NAV2: variants seen among roughly 807,000 people sequenced by gnomAD.
NAV2 encodes neuron navigator 2.
A neutral mutation model predicts 223.2 loss-of-function variants in NAV2; 54 were observed. The observed-to-expected ratio is 0.24, with a 90% confidence interval of 0.19 to 0.30. NAV2 has a LOEUF of 0.30. Ranked by LOEUF, NAV2 falls within the 10% of genes least tolerant of loss-of-function variation. The probability of loss-of-function intolerance (pLI) is 1.00; values close to 1 mark genes in which losing one functional copy is unlikely to be tolerated. For missense variants in NAV2, 2,806 were observed against 3,147.5 expected, an observed-to-expected ratio of 0.89 and a Z score of 2.60; for synonymous variants, 1,279 against 1,239.3, an observed-to-expected ratio of 1.03 and a Z score of -0.67.
chr11:19,745,812 A>G (rs1235235290), intron 1 of NAV2, among the ~76,000 whole-genome samples: 3 of 152,162 alleles, frequency 2.0e-5, no homozygotes, highest in Non-Finnish European at 4.4e-5. Flanking sequence ...GGCAGAGCTC[A>G]GGTGGTAATG....
chr11:19,682,031 A>T (rs1443935118), intron 1 of NAV2, among the ~76,000 whole-genome samples: 1 of 152,138 alleles, frequency 6.6e-6, no homozygotes, highest in Non-Finnish European at 1.5e-5. Context: ...CACAGAGTGG[A>T]CTTCACTCTG....
At chr11:20,002,718 C>G (rs1014702282) in intron 11 of NAV2, among the ~76,000 whole-genome samples, 33 of 152,146 alleles carry the variant, frequency 2.2e-4, no homozygotes, top group Admixed American at 1.3e-3. Flanking sequence ...GTGCCCCACT[C>G]TGATACTCAA....
At chr11:20,022,937 G>A in intron 11 of NAV2, 1 of 1,336,640 alleles carries the variant, frequency 7.5e-7, no homozygotes, top group Non-Finnish European at 9.9e-7. Flanking sequence ...TTCTTTCCTG[G>A]CCTGGGGAAT....
At chr11:20,110,112 G>A (rs1445437309) in intron 36 of NAV2, among the ~76,000 whole-genome samples, 3 of 152,248 alleles carry the variant, frequency 2.0e-5, no homozygotes, top group Non-Finnish European at 1.5e-5. Context: ...GGGGCAGGGA[G>A]CAGAGACATG....
chr11:19,785,705 C>G (rs572535173), intron 1 of NAV2, among the ~76,000 whole-genome samples: 31 of 150,624 alleles, frequency 2.1e-4, no homozygotes, highest in Non-Finnish European at 3.5e-4. Flanking sequence ...GGAGTAATGT[C>G]TGGCCACTGT....
intron 35 of NAV2, among the ~76,000 whole-genome samples, chr11:20,106,189 A>G (rs368526878): frequency 0.32 from 5,189 of 16,044 alleles, 1,258 homozygotes; most frequent in Non-Finnish European, 0.59. Flanking sequence ...GTGTGTATAT[A>G]TATATATATA....
intron 1 of NAV2, among the ~76,000 whole-genome samples, chr11:19,546,966 C>T (rs2044519221): frequency 6.6e-6 from 1 of 152,156 alleles, no homozygotes; most frequent in African/African-American, 2.4e-5. Context: ...CTATTGATAC[C>T]TGGATTCTGG....
rs535730882 is a variant in NAV2, at chr11:19,430,145, C to T, written c.75+79118C>T. Reference sequence around the variant, plus strand: ...TTCTTACCCACCTGTCCCCTTACCCCCACCCCTCTCAGTTCTGGCTCCCTA... The same window carrying T: ...TTCTTACCCACCTGTCCCCTTACCCTCACCCCTCTCAGTTCTGGCTCCCTA... On this transcript the variant is annotated intron_variant, in intron 1 of 37. Transcript: ENST00000360655. Among the ~76,000 whole-genome samples the T allele has an allele frequency of 2.0e-5, 3 of 152,302 alleles. No individual in the cohort carries two copies. In the South Asian group the frequency reaches 6.2e-4, roughly 32 times the overall value.
At chr11:19,892,851 T>C (rs1271664417) in intron 6 of NAV2, among the ~76,000 whole-genome samples, 1 of 152,232 alleles carries the variant, frequency 6.6e-6, no homozygotes, top group African/African-American at 2.4e-5. Flanking sequence ...CGGCTATGCA[T>C]AGAAGCAATA....
chr11:20,035,095 C>T (rs2056218400), intron 11 of NAV2, among the ~76,000 whole-genome samples: 1 of 152,090 alleles, frequency 6.6e-6, no homozygotes, highest in East Asian at 1.9e-4. Context: ...ATTCTGACTG[C>T]TGCGGGCGGA....
chr11:19,384,375 A>G (rs1173029827), intron 1 of NAV2, among the ~76,000 whole-genome samples: 2 of 152,240 alleles, frequency 1.3e-5, no homozygotes, highest in African/African-American at 4.8e-5. Flanking sequence ...TGCCTGCATT[A>G]GCTGTGACCT....
At chr11:19,647,350 T>TGCTTCCCAAAATGTCCC (rs1202120619) in intron 1 of NAV2, among the ~76,000 whole-genome samples, 11 of 152,156 alleles carry the variant, frequency 7.2e-5, no homozygotes, top group Non-Finnish European at 1.6e-4. Context: ...AGCTGCTCTT[T>TGCTTCCCAAAATGTCCC]GCTTCCCAAA....
chr11:19,558,211 C>T (rs2044969567), intron 1 of NAV2, among the ~76,000 whole-genome samples: 1 of 152,156 alleles, frequency 6.6e-6, no homozygotes, highest in Non-Finnish European at 1.5e-5. Context: ...TGCTGCGAAA[C>T]AAACCAAGCC....
At position 19,713,209 on chromosome 11, in the gene NAV2, C is replaced by G. The variant is rs1415031527; in HGVS notation, c.-487C>G. 10 of 631,414 alleles carry G rather than the reference C, an allele frequency of 1.6e-5. No individual in the cohort carries two copies. The East Asian group carries it at 1.4e-3, about 86-fold the overall frequency. 39.1% of individuals were successfully genotyped at this position (631,414 alleles called of 1,614,324 possible). On this transcript the variant is annotated 5_prime_UTR_variant, in exon 1 of 38. Transcript: ENST00000349880. The surrounding 1 kb of genome is among the most constrained non-coding windows in gnomAD (Gnocchi z 7.2). ...TCCTTCCTTCGCTGCTGTCTCCTTT[C>G]CTTCCTTGGCTGCTCGCTCTTTCTC...
chr11:19,714,138 G>A (rs2050084369), intron 1 of NAV2, 176 bp downstream of exon 1: 1 of 951,026 alleles, frequency 1.1e-6, no homozygotes, highest in Non-Finnish European at 1.6e-6. Flanking sequence ...GCCGGCCGGT[G>A]GGTGTGGCCC....
At position 20,072,985 on chromosome 11, in the gene NAV2, G is replaced by A. The variant is rs193186835; in HGVS notation, c.4984-4567G>A. Among the ~76,000 whole-genome samples, 723 of 152,228 alleles carry A rather than the reference G, an allele frequency of 4.7e-3. 5 individuals are homozygous for A. Among genetic ancestry groups the A allele is most frequent in the African/African-American group, 0.016 (666 of 41,522 alleles). ...TTCCAATACTATGTTGAATAGGAGC[G>A]GTGAGAGAGGGCATCCTTGTCTTGT... is the stretch of plus-strand genomic sequence containing the variant. On this transcript the variant is annotated intron_variant, in intron 22 of 37. Transcript: ENST00000349880.
chr11:19,895,104 C>CTTTTTTTTTTTTTTTTTTTTTTT (rs71050690), intron 6 of NAV2, among the ~76,000 whole-genome samples: 26 of 99,208 alleles, frequency 2.6e-4, no homozygotes, highest in Admixed American at 5.0e-4. Flanking sequence ...CTTTTTCTTT[C>CTTTTTTTTTTTTTTTTTTTTTTT]TTTTTTTTTT....
chr11:19,362,958 G>A (rs2729900), intron 1 of NAV2, among the ~76,000 whole-genome samples: 150,430 of 152,342 alleles, frequency 0.99, 74,299 homozygotes, highest in Middle Eastern at 1. Context: ...CTGTTCTATT[G>A]TCTTTACAAC....
At chr11:19,573,093 CT>C (rs141623252) in intron 1 of NAV2, among the ~76,000 whole-genome samples, 2,227 of 152,346 alleles carry the variant, frequency 0.015, 61 homozygotes, top group African/African-American at 0.05. Context: ...AGGCACTCCT[CT>C]GGCTTTCAGG....
Sources: allele counts gnomAD v4.1 joint callset (sites outside exome capture counted in the v4.1 genomes callset), GRCh38; gene constraint gnomAD v4.1.1; non-coding constraint Gnocchi (gnomAD v3.1); transcripts MANE v1.5; gene names NCBI Gene and HGNC (gene_info 2026-07-23, HGNC 2026-07-21).